Variants in DHX37 observed in about 807,000 individuals in gnomAD.
DHX37 encodes probable ATP-dependent RNA helicase DHX37.
Under a neutral mutation model 134.3 loss-of-function variants are expected in DHX37, and 52 were observed. The observed-to-expected ratio is 0.39, with a 90% CI of 0.31 to 0.49. The LOEUF (loss-of-function observed/expected upper bound fraction) is 0.49. DHX37 is among the 20% of genes least tolerant of loss of function. The pLI is 0.93. For missense variants in DHX37, 1,344 were observed against 1,580.8 expected (o/e 0.85, Z 2.54); for synonymous variants, 634 against 670.7 (o/e 0.95, Z 0.85).
intron 6 of DHX37, among the ~76,000 whole-genome samples, chr12:124,973,162 A>T (rs183769319): frequency 1.9e-3 from 289 of 152,134 alleles, no homozygotes; most frequent in African/African-American, 6.8e-3. Context: ...TCACGCCTGT[A>T]ATCCCAACAC....
intron 15 of DHX37, among the ~76,000 whole-genome samples, chr12:124,962,593 T>C (rs1594485786): frequency 6.6e-6 from 1 of 151,978 alleles, no homozygotes; most frequent in South Asian, 2.1e-4. Flanking sequence ...GAAGCGGAGG[T>C]TGCAGTGAGC....
rs71092252 is a variant in DHX37, at chr12:124,973,638, C to CTTTTTTTTTTTTTTTTTTTTTTTTT, written c.981-1040_981-1039insAAAAAAAAAAAAAAAAAAAAAAAAA. Among the ~76,000 whole-genome samples, 9 of 102,874 alleles carry CTTTTTTTTTTTTTTTTTTTTTTTTT rather than the reference C, an allele frequency of 8.7e-5. 4 individuals carry two copies. The highest frequency in any genetic ancestry group is 1.9e-4 in the African/African-American group (5 of 26,276). The allele number at this position is 102,874 out of a possible 152,430, so 67.5% of individuals were successfully genotyped here. ...TTATGTATATGCGCCCCCCCCAACG[C>CTTTTTTTTTTTTTTTTTTTTTTTTT]TTTTTTTTTTTTTTTTTTTTGAGAT... On this transcript the variant is annotated intron_variant, in intron 6 of 26. Transcript: ENST00000308736.
At chr12:124,972,454 G>A (rs774984734) in intron 7 of DHX37, 49 bp downstream of exon 7, 23 of 1,595,328 alleles carry the variant, frequency 1.4e-5, no homozygotes, top group Non-Finnish European at 1.7e-5. Flanking sequence ...CTAGCATCCC[G>A]CCCCCATGCC....
chr12:124,975,528 A>G lies in DHX37; in HGVS notation c.888-17T>C. 1 of 1,611,314 alleles carries G rather than the reference A, an allele frequency of 6.2e-7. No individual in the cohort carries two copies. On this transcript the variant is annotated splice_polypyrimidine_tract_variant and intron_variant, in intron 5 of 26. Coordinates refer to ENST00000308736, the MANE Select transcript of DHX37 (RefSeq NM_032656.4). ...CTGTCTTCACTGGGGGAGGAAGAAC[A>G]TGGCCATCAACAGTGCGCGGCCCCA...
At chr12:124,967,082 A>G (rs1363056616) in intron 11 of DHX37, 41 bp downstream of exon 11, 3 of 1,604,186 alleles carry the variant, frequency 1.9e-6, no homozygotes, top group Admixed American at 1.7e-5. Flanking sequence ...GGCCAAGCCC[A>G]GCTGCTCAGG....
chr12:124,975,382 C>T (rs371518865), intron 6 of DHX37, 37 bp downstream of exon 6: 5 of 1,604,254 alleles, frequency 3.1e-6, no homozygotes, highest in South Asian at 2.2e-5. Context: ...GCCACAGGAC[C>T]ACCCCATAGT....
chr12:124,969,320 G>A (rs555025993), intron 8 of DHX37, among the ~76,000 whole-genome samples: 27 of 152,248 alleles, frequency 1.8e-4, no homozygotes, highest in African/African-American at 6.5e-4. Flanking sequence ...GGGGTCTGTG[G>A]GGGGTGGGAG....
chr12:124,976,971 C>T (rs936408512), intron 5 of DHX37, among the ~76,000 whole-genome samples: 3 of 148,858 alleles, frequency 2.0e-5, no homozygotes, highest in South Asian at 2.1e-4. Context: ...CACTTGAACC[C>T]GGGAGGCGGA....
In DHX37 at chr12:124,953,875, C is replaced by T. The variant is rs371642549; in HGVS notation, c.2695+5G>A. On this transcript the variant is annotated splice_donor_5th_base_variant and intron_variant, in intron 20 of 26. Transcript: ENST00000308736. ...GTGCAGCGGCGTGCCGGCACGGGGC[C>T]GTACCTGCGGTGGTCAGCTGGCCCC... The T allele has an allele frequency of 3.2e-5, 51 of 1,610,346 alleles. No individual in the cohort carries two copies. The highest frequency in any genetic ancestry group is 3.7e-5 in the Non-Finnish European group (44 of 1,178,664).
chr12:124,955,376 T>G (rs1027110786), intron 18 of DHX37, among the ~76,000 whole-genome samples: 1 of 152,236 alleles, frequency 6.6e-6, no homozygotes, highest in Non-Finnish European at 1.5e-5. Flanking sequence ...AGACCCCAAC[T>G]GAAACTGACA....
In DHX37 at chr12:124,989,056, G is replaced by C. The variant is rs1381071076; in HGVS notation, c.-34C>G. The C allele has an allele frequency of 1.7e-5, 22 of 1,301,598 alleles. No homozygotes were observed. Among genetic ancestry groups the C allele is most frequent in the Non-Finnish European group, 2.2e-5 (22 of 1,015,396 alleles). The allele number at this position is 1,301,598 out of a possible 1,614,324, so 80.6% of individuals were successfully genotyped here. A position where few individuals can be genotyped will look rare whatever the true frequency, so the allele number is the denominator to read the frequency against. Reference sequence around the variant, plus strand: ...GGCCAGGGTGGGCGCTCCAGCGGCCGGACCAGCAGAGCAATCCGAAACCCA... The same window carrying C: ...GGCCAGGGTGGGCGCTCCAGCGGCCCGACCAGCAGAGCAATCCGAAACCCA... On this transcript the variant is annotated 5_prime_UTR_variant, in exon 1 of 27. Coordinates refer to ENST00000308736, the MANE Select transcript of DHX37 (RefSeq NM_032656.4).
chr12:124,953,735 C>T (rs1323942762), intron 20 of DHX37, 145 bp downstream of exon 20: 3 of 1,361,352 alleles, frequency 2.2e-6, no homozygotes, highest in Non-Finnish European at 2.9e-6. Context: ...GAAAAGCTCC[C>T]CAAGTATTGA....
At position 124,948,071 on chromosome 12, in the gene DHX37, T is replaced by C. The variant is rs1953908040; in HGVS notation, c.3388+13A>G. The C allele has an allele frequency of 6.2e-7, 1 of 1,614,222 alleles. No homozygotes were observed. Among genetic ancestry groups the C allele is most frequent in the East Asian group, 2.2e-5 (1 of 44,874 alleles). Reference sequence around the variant, plus strand: ...CCTGTCTACTCCCACCCCCTGGCCCTGGTCAAACTCACATTTGGGGTTTTT... The same window carrying C: ...CCTGTCTACTCCCACCCCCTGGCCCCGGTCAAACTCACATTTGGGGTTTTT... On this transcript the variant is annotated intron_variant, in intron 26 of 26. Coordinates refer to ENST00000308736, the MANE Select transcript of DHX37 (RefSeq NM_032656.4).
chr12:124,985,699 C>A (rs941261419), intron 2 of DHX37, among the ~76,000 whole-genome samples: 2 of 148,350 alleles, frequency 1.3e-5, no homozygotes, highest in African/African-American at 5.0e-5. Context: ...TTTCACTGCA[C>A]TCCAGCCTGG....
At chr12:124,948,630 T>C (rs868035212) in intron 25 of DHX37, 46 of 185,252 alleles carry the variant, frequency 2.5e-4, no homozygotes, top group Admixed American at 1.2e-3. Context: ...TCACCTGTAA[T>C]CCCAGCTACT....
chr12:124,981,303 C>G (rs1353069490), intron 3 of DHX37, among the ~76,000 whole-genome samples: 1 of 151,902 alleles, frequency 6.6e-6, no homozygotes, highest in Non-Finnish European at 1.5e-5. Flanking sequence ...AGGCACCAGT[C>G]AGGCCTCATG....
Position 124,957,029 on chromosome 12 carries a change from C to G in DHX37, c.2264G>C (p.Arg755Thr), listed in dbSNP as rs759460846. ...GALQPPQKAE[R>T]VKQLQENRLS... Reference sequence around the variant, plus strand: ...TGGGCTCTGCATCTCTTGGCCTTACCTTTCTGCTTTCTGGGGCGGTTGCAG... The same window carrying G: ...TGGGCTCTGCATCTCTTGGCCTTACGTTTCTGCTTTCTGGGGCGGTTGCAG... The change falls in exon 17 of 27, where the codon AGG (arginine) becomes ACG (threonine). Residue 755 changes from arginine (R) to threonine (T), a missense_variant and splice_region_variant. This residue lies in a region of DHX37 where 558 missense variants were observed against 650.0 expected (regional missense o/e 0.86). Coordinates refer to ENST00000308736, the MANE Select transcript of DHX37 (RefSeq NM_032656.4). 11 of 1,515,246 alleles carry G rather than the reference C, an allele frequency of 7.3e-6. No individual in the cohort carries two copies. The South Asian group carries it at 7.9e-5, about 11-fold the overall frequency. 93.9% of individuals were successfully genotyped at this position (1,515,246 alleles called of 1,614,324 possible). A position where few individuals can be genotyped will look rare whatever the true frequency, so the allele number is the denominator to read the frequency against.
chr12:124,975,805 C>G (rs950172887), intron 5 of DHX37, among the ~76,000 whole-genome samples: 2 of 152,176 alleles, frequency 1.3e-5, no homozygotes, highest in Non-Finnish European at 2.9e-5. Context: ...ACAAGCTCCT[C>G]CAGACACAGG....
Position 124,949,960 on chromosome 12 carries a change from T to C in DHX37, c.3290+26A>G, listed in dbSNP as rs770969030. 2 of 1,591,632 alleles carry C rather than the reference T, an allele frequency of 1.3e-6. No individual in the cohort carries two copies. The highest frequency in any genetic ancestry group is 1.7e-6 in the Non-Finnish European group (2 of 1,166,874). On this transcript the variant is annotated intron_variant, in intron 25 of 26. Transcript: ENST00000308736. The surrounding 1 kb of genome is among the most constrained non-coding windows in gnomAD (Gnocchi z 4.0). ...CAGGCCTCGGACCCCTCCTGCCCAC[T>C]GCGAGGCTCCCACCGAAGGCAGTAC... is the stretch of plus-strand genomic sequence containing the variant.
Sources: gnomAD v4.1 joint callset for allele counts (sites outside exome capture counted in the v4.1 genomes callset) on GRCh38, gnomAD v4.1.1 for gene constraint, gnomAD v4.1.1 regional missense constraint, Gnocchi (gnomAD v3.1) non-coding constraint, MANE v1.5 for transcripts, NCBI Gene and HGNC (gene_info 2026-07-23, HGNC 2026-07-21) for gene names.